Variants in SUGCT observed in about 807,000 individuals in gnomAD.
SUGCT encodes the protein succinyl-CoA:glutarate CoA-transferase.
In SUGCT, 41 loss-of-function variants were observed where a neutral mutation model predicts 55.0. The observed-to-expected ratio is 0.74, with a 90% CI of 0.58 to 0.97. SUGCT has a LOEUF of 0.97. Ranked by LOEUF, SUGCT falls within the 50% of genes least tolerant of loss-of-function variation. SUGCT has a pLI of 0.00. For synonymous variants in SUGCT, 187 were observed against 200.4 expected (o/e 0.93, Z 0.56); for missense variants, 568 against 547.8 (o/e 1.04, Z -0.37).
intron 6 of SUGCT, among the ~76,000 whole-genome samples, chr7:40,213,463 A>G (rs937162578): frequency 1.2e-4 from 18 of 152,202 alleles, no homozygotes; most frequent in African/African-American, 3.9e-4. Context: ...GTCAGGGACT[A>G]TCTGATGTCA....
intron 12 of SUGCT, among the ~76,000 whole-genome samples, chr7:40,520,977 G>A (rs958714161): frequency 6.6e-6 from 1 of 152,010 alleles, no homozygotes; most frequent in Non-Finnish European, 1.5e-5. Context: ...TAATTTTATT[G>A]CAAATGTGGT....
chr7:40,542,590 A>G (rs1301955296), intron 12 of SUGCT, among the ~76,000 whole-genome samples: 3 of 152,330 alleles, frequency 2.0e-5, no homozygotes, highest in East Asian at 3.9e-4. Context: ...GCCTGCCTAT[A>G]TAATAAAGGC....
intron 9 of SUGCT, among the ~76,000 whole-genome samples, chr7:40,439,745 C>T (rs1184892721): frequency 6.6e-6 from 1 of 152,222 alleles, no homozygotes; most frequent in African/African-American, 2.4e-5. Context: ...GACATGGGAA[C>T]TCCATCTGCA....
At chr7:40,603,595 G>C (rs1798394525) in intron 12 of SUGCT, among the ~76,000 whole-genome samples, 1 of 152,152 alleles carries the variant, frequency 6.6e-6, no homozygotes, top group South Asian at 2.1e-4. Context: ...TCTGGATTTA[G>C]ATGGTTCTCA....
chr7:40,762,552 CA>C (rs1297707028), intron 13 of SUGCT, among the ~76,000 whole-genome samples: 1 of 152,090 alleles, frequency 6.6e-6, no homozygotes, highest in Non-Finnish European at 1.5e-5. Context: ...ATTTGGCTGC[CA>C]TGATACGGAG....
chr7:40,977,315 C>A, the SUGCT span, among the ~76,000 whole-genome samples: 5 of 152,338 alleles, frequency 3.3e-5, no homozygotes, highest in South Asian at 1.0e-3. Flanking sequence ...CCAGAGCATG[C>A]TGGCGACAAG....
chr7:40,696,666 T>C (rs1784947121), intron 12 of SUGCT, among the ~76,000 whole-genome samples: 1 of 152,238 alleles, frequency 6.6e-6, no homozygotes, highest in African/African-American at 2.4e-5. Flanking sequence ...ATTTTAACTC[T>C]GTGTCTCTTT....
intron 9 of SUGCT, among the ~76,000 whole-genome samples, chr7:40,355,228 G>C (rs903320813): frequency 6.6e-6 from 1 of 152,204 alleles, no homozygotes; most frequent in Non-Finnish European, 1.5e-5. Context: ...GTGAGCCCCA[G>C]TGGGTTAGGT....
intron 13 of SUGCT, among the ~76,000 whole-genome samples, chr7:40,838,990 C>T (rs1793140241): frequency 6.8e-6 from 1 of 147,074 alleles, no homozygotes. Flanking sequence ...ACATCTAATA[C>T]CTTTTCTGCA....
intron 12 of SUGCT, among the ~76,000 whole-genome samples, chr7:40,579,816 C>G (rs560409087): frequency 6.6e-6 from 1 of 152,282 alleles, no homozygotes; most frequent in East Asian, 1.9e-4. Context: ...GAGGCCAAAG[C>G]ACATAATCCC....
chr7:40,335,503 T>C (rs13232700), intron 9 of SUGCT, among the ~76,000 whole-genome samples: 35,009 of 151,752 alleles, frequency 0.23, 5,247 homozygotes, highest in Non-Finnish European at 0.34. Context: ...TTATTCTCTT[T>C]GAAGCAATTG....
chr7:40,349,896 CA>C (rs1205870001), intron 9 of SUGCT, among the ~76,000 whole-genome samples: 1 of 152,152 alleles, frequency 6.6e-6, no homozygotes. Context: ...CTACATTGTT[CA>C]GTCTGGTCTT....
At chr7:40,865,261 A>G (rs1201162092), downstream of SUGCT, among the ~76,000 whole-genome samples, 1 of 151,868 alleles carries the variant, frequency 6.6e-6, no homozygotes, top group South Asian at 2.1e-4. Flanking sequence ...GGATACCAAA[A>G]CCTGTGTCCG....
chr7:40,191,716 T>C (rs1364942863), intron 5 of SUGCT, among the ~76,000 whole-genome samples: 1 of 152,244 alleles, frequency 6.6e-6, no homozygotes, highest in Non-Finnish European at 1.5e-5. Context: ...TTTAGATAGT[T>C]ATTACAATTA....
intron 9 of SUGCT, among the ~76,000 whole-genome samples, chr7:40,338,117 C>G (rs1007827410): frequency 6.6e-6 from 1 of 152,140 alleles, no homozygotes; most frequent in African/African-American, 2.4e-5. Flanking sequence ...CCAATAGATC[C>G]GCTGTTAGTC....
intron 9 of SUGCT, among the ~76,000 whole-genome samples, chr7:40,385,576 A>G (rs1583569398): frequency 6.6e-6 from 1 of 152,334 alleles, no homozygotes; most frequent in African/African-American, 2.4e-5. Flanking sequence ...TTAGGCAAGA[A>G]ATCTGAATTC....
rs35870589 is a variant in SUGCT, at chr7:40,860,389, G to A, written c.1227G>A (p.Thr409=). The A allele has an allele frequency of 1.9e-6, 3 of 1,613,950 alleles. No individual in the cohort carries two copies. Among genetic ancestry groups the A allele is most frequent in the African/African-American group, 1.3e-5 (1 of 75,056 alleles). The change falls in exon 14 of 14, where the codon ACG becomes ACA. Residue 409 remains threonine, a synonymous_variant. Coordinates refer to ENST00000335693, the MANE Select transcript of SUGCT (RefSeq NM_001193313.2). ...CCCCGCTGCTCGGGCAGCACACAACGCACATCCTGAAGGAGGTCCTGAGAT... is the reference window on the plus strand; with the variant it reads ...CCCCGCTGCTCGGGCAGCACACAACACACATCCTGAAGGAGGTCCTGAGAT... ...RPPPLLGQHT[T]HILKEVLRYD...
chr7:40,560,763 GA>G (rs1247176996), intron 12 of SUGCT, among the ~76,000 whole-genome samples: 9 of 152,226 alleles, frequency 5.9e-5, no homozygotes, highest in African/African-American at 7.2e-5. Context: ...TCCCCAGTGG[GA>G]AATTACTAGA....
the SUGCT span, among the ~76,000 whole-genome samples, chr7:41,009,894 C>A: frequency 3.5e-4 from 53 of 152,346 alleles, no homozygotes; most frequent in African/African-American, 1.3e-3. Flanking sequence ...TGATCACTCT[C>A]TTCGATGATA....
Sources: gnomAD v4.1 joint callset for allele counts (sites outside exome capture counted in the v4.1 genomes callset) on GRCh38, gnomAD v4.1.1 for gene constraint, MANE v1.5 for transcripts, NCBI Gene and HGNC (gene_info 2026-07-23, HGNC 2026-07-21) for gene names.